MYH15: variants seen among roughly 807,000 people sequenced by gnomAD.
MYH15 encodes myosin-15.
MYH15 carries 227 observed loss-of-function variants against 240.5 expected under a neutral mutation model. The observed-to-expected ratio is 0.94, with a 90% CI of 0.85 to 1.05. The LOEUF (loss-of-function observed/expected upper bound fraction) is 1.05. MYH15 is among the 50% of genes least tolerant of loss of function. The pLI, the probability that MYH15 is intolerant of heterozygous loss-of-function variation, is 0.00. For missense variants in MYH15, 2,217 were observed against 2,247.5 expected (o/e 0.99, Z 0.27); for synonymous variants, 785 against 796.7 (o/e 0.99, Z 0.25).
chr3:108,440,743 T>C (rs2082878062), intron 23 of MYH15, among the ~76,000 whole-genome samples: 2 of 150,810 alleles, frequency 1.3e-5, no homozygotes, highest in South Asian at 4.2e-4. Flanking sequence ...ACCATTTTAC[T>C]CTATTACAGA....
intron 26 of MYH15, 37 bp from the exon 27 acceptor site, chr3:108,428,918 T>G (rs757612025): frequency 5.8e-5 from 90 of 1,548,736 alleles, no homozygotes; most frequent in Non-Finnish European, 7.1e-5. Context: ...TACTAAGCAC[T>G]TGTAGCAAGA....
At chr3:108,503,012 T>C (rs2083449897) in intron 2 of MYH15, among the ~76,000 whole-genome samples, 1 of 152,166 alleles carries the variant, frequency 6.6e-6, no homozygotes, top group Non-Finnish European at 1.5e-5. Context: ...ACCCACTAGA[T>C]TTATTGCCTT....
At chr3:108,399,559 T>C (rs888249228) in intron 33 of MYH15, among the ~76,000 whole-genome samples, 1 of 152,214 alleles carries the variant, frequency 6.6e-6, no homozygotes, top group Non-Finnish European at 1.5e-5. Flanking sequence ...GCAGCTTTAG[T>C]CTTATCTGAT....
chr3:108,448,226 CAATT>C, intron 21 of MYH15, among the ~76,000 whole-genome samples: 1 of 152,004 alleles, frequency 6.6e-6, no homozygotes, highest in Middle Eastern at 3.4e-3. Context: ...AGTTGTAAAA[CAATT>C]AACAAAATGG....
upstream of MYH15, among the ~76,000 whole-genome samples, chr3:108,513,712 C>T (rs2083537693): frequency 6.6e-6 from 1 of 152,140 alleles, no homozygotes; most frequent in South Asian, 2.1e-4. Context: ...GAATTGAGGA[C>T]TTGAGATGGC....
At chr3:108,549,398 G>C in the MYH15 span, among the ~76,000 whole-genome samples, 1 of 151,936 alleles carries the variant, frequency 6.6e-6, no homozygotes, top group African/African-American at 2.4e-5. Context: ...GAAGGATGAT[G>C]ATTAGTACTC....
At chr3:108,444,942 G>T in intron 21 of MYH15, 47 bp from the exon 22 acceptor site, 1 of 1,537,444 alleles carries the variant, frequency 6.5e-7, no homozygotes, top group South Asian at 1.3e-5. Flanking sequence ...CTGACTATAG[G>T]AGAATTAGTT....
the MYH15 span, among the ~76,000 whole-genome samples, chr3:108,548,250 T>C: frequency 6.6e-6 from 1 of 152,172 alleles, no homozygotes; most frequent in African/African-American, 2.4e-5. Flanking sequence ...TCATGAATTT[T>C]ACATATAAAC....
chr3:108,384,202 T>C (rs1172695232), intron 39 of MYH15, among the ~76,000 whole-genome samples: 2 of 152,190 alleles, frequency 1.3e-5, no homozygotes, highest in African/African-American at 4.8e-5. Context: ...TAAATCAATA[T>C]ATATGACACT....
At chr3:108,387,991 C>G (rs997735587) in intron 38 of MYH15, among the ~76,000 whole-genome samples, 3 of 152,208 alleles carry the variant, frequency 2.0e-5, no homozygotes, top group Non-Finnish European at 2.9e-5. Context: ...GCAGATCTTG[C>G]ATTGGCATTG....
chr3:108,425,954 G>A (rs1022960227), intron 27 of MYH15, among the ~76,000 whole-genome samples: 10 of 152,202 alleles, frequency 6.6e-5, no homozygotes, highest in Non-Finnish European at 1.2e-4. Flanking sequence ...GTTACAAAAT[G>A]CCAAAGAACT....
chr3:108,448,501 TAAAG>T (rs2082946947), intron 21 of MYH15, among the ~76,000 whole-genome samples: 2 of 151,976 alleles, frequency 1.3e-5, no homozygotes, highest in Admixed American at 6.6e-5. Context: ...TAACAAGAGA[TAAAG>T]AAAGTTATTA....
intron 1 of MYH15, among the ~76,000 whole-genome samples, chr3:108,520,450 T>C (rs1329437964): frequency 6.6e-6 from 1 of 152,152 alleles, no homozygotes; most frequent in African/African-American, 2.4e-5. Flanking sequence ...CTTTATACAC[T>C]CTTGTCAAGG....
chr3:108,389,164 AGT>A lies in MYH15; in HGVS notation c.5431-92_5431-91del, dbSNP rs1383655915. ...GGCACAATCATTTGAAAGACAGCAAAGTGTCAAGGGAACATGCACACACTGTT... is the reference window on the plus strand; with the variant it reads ...GGCACAATCATTTGAAAGACAGCAAAGTCAAGGGAACATGCACACACTGTT... On this transcript the variant is annotated intron_variant, in intron 37 of 40. Transcript: ENST00000693548. 15 of 1,157,240 alleles carry A rather than the reference AGT, an allele frequency of 1.3e-5. No homozygotes were observed. The African/African-American group carries it at 1.8e-4, about 14-fold the overall frequency. 71.7% of individuals were successfully genotyped at this position (1,157,240 alleles called of 1,614,324 possible).
intron 28 of MYH15, among the ~76,000 whole-genome samples, chr3:108,418,355 G>A (rs930116546): frequency 2.8e-4 from 43 of 152,160 alleles, no homozygotes; most frequent in Non-Finnish European, 5.6e-4. Flanking sequence ...ACATCCTTAA[G>A]TGAAACTGAC....
intron 15 of MYH15, 61 bp downstream of exon 15, chr3:108,464,577 G>T: frequency 6.9e-7 from 1 of 1,458,254 alleles, no homozygotes; most frequent in East Asian, 2.3e-5. Context: ...AAGGACTTTG[G>T]CTGAGCGCAT....
chr3:108,410,425 C>T (rs966449423), intron 31 of MYH15, among the ~76,000 whole-genome samples, 158 bp downstream of exon 31: 5 of 151,930 alleles, frequency 3.3e-5, no homozygotes, highest in Admixed American at 6.6e-5. Context: ...ATACAAACAG[C>T]ATCTAAAGTA....
intron 26 of MYH15, 58 bp from the exon 27 acceptor site, chr3:108,428,939 A>AC: frequency 7.0e-7 from 1 of 1,433,822 alleles, no homozygotes; most frequent in Non-Finnish European, 9.3e-7. Context: ...GCTTTACTCT[A>AC]TTTTTTTTTA....
At chr3:108,486,349 C>T in intron 10 of MYH15, 74 bp downstream of exon 10, 1 of 1,278,658 alleles carries the variant, frequency 7.8e-7, no homozygotes, top group Non-Finnish European at 1.1e-6. Flanking sequence ...TCCCTAAGAA[C>T]AGAACTCTAA....
Sources: gnomAD v4.1 joint callset for allele counts (sites outside exome capture counted in the v4.1 genomes callset) on GRCh38, gnomAD v4.1.1 for gene constraint, MANE v1.5 for transcripts, NCBI Gene and HGNC (gene_info 2026-07-23, HGNC 2026-07-21) for gene names.